The following SPAG17 variants were observed in gnomAD, a reference collection of about 807,000 sequenced individuals.
The protein encoded by SPAG17 is sperm-associated antigen 17.
Under a neutral mutation model 273.6 loss-of-function variants are expected in SPAG17, and 169 were observed. The observed-to-expected ratio is 0.62, with a 90% CI of 0.55 to 0.70. SPAG17 has a LOEUF of 0.70. Among genes scored for constraint, SPAG17 ranks in the 30% least tolerant of loss-of-function variants. The probability of loss-of-function intolerance (pLI) is 0.00; values close to 1 mark genes in which losing one functional copy is unlikely to be tolerated. For missense variants in SPAG17, 2,557 were observed against 2,627.8 expected (o/e 0.97, Z 0.59); for synonymous variants, 825 against 873.2 (o/e 0.94, Z 0.97).
chr1:118,016,917 G>A (rs1444250547), intron 28 of SPAG17, among the ~76,000 whole-genome samples: 1 of 152,200 alleles, frequency 6.6e-6, no homozygotes, highest in Non-Finnish European at 1.5e-5. Flanking sequence ...GTAATCTGTA[G>A]ATGAGACTTG....
intron 48 of SPAG17, 115 bp downstream of exon 48, chr1:117,963,684 T>C: frequency 1.0e-6 from 1 of 982,102 alleles, no homozygotes; most frequent in Non-Finnish European, 1.5e-6. Flanking sequence ...TTTTCATTCA[T>C]TCAGGCCAGG....
intron 1 of SPAG17, among the ~76,000 whole-genome samples, chr1:118,170,308 T>C (rs1331122121): frequency 6.6e-6 from 1 of 152,170 alleles, no homozygotes; most frequent in Non-Finnish European, 1.5e-5. Context: ...CTAAAAAACA[T>C]GAAATACATA....
At chr1:117,973,592 A>C in intron 43 of SPAG17, 31 bp from the exon 44 acceptor site, 1 of 1,595,124 alleles carries the variant, frequency 6.3e-7, no homozygotes, top group Non-Finnish European at 8.6e-7. Flanking sequence ...ATTATGCCAC[A>C]TGGACATTTT....
chr1:118,133,976 A>G (rs1658200431), intron 3 of SPAG17, among the ~76,000 whole-genome samples: 1 of 152,212 alleles, frequency 6.6e-6, no homozygotes. Context: ...GTTCAACCTT[A>G]TAATTTTTGC....
chr1:118,145,456 A>G (rs1423964231), intron 3 of SPAG17, among the ~76,000 whole-genome samples: 1 of 152,220 alleles, frequency 6.6e-6, no homozygotes, highest in Non-Finnish European at 1.5e-5. Flanking sequence ...ACATCTGGGC[A>G]TACTAATCTG....
rs141639174 is a variant in SPAG17, at chr1:118,001,351, G to A, written c.4776+4063C>T. The stretch of plus-strand genomic sequence containing the variant: ...TGGCCTCATAAAACAAGTTAGGGAG[G>A]ATTCCCTCTTTTTCTATTGATTGGA... On this transcript the variant is annotated intron_variant, in intron 32 of 48. Coordinates refer to ENST00000336338, the MANE Select transcript of SPAG17 (RefSeq NM_206996.4). 4.2e-3 allele frequency among the ~76,000 whole-genome samples: 644 copies of A among 152,296 alleles called. 4 individuals carry two copies. The highest frequency in any genetic ancestry group is 0.015 in the African/African-American group (612 of 41,562).
Position 117,955,397 on chromosome 1 carries a change from G to A in SPAG17, c.*1-1348C>T, listed in dbSNP as rs1652054190. 5.6e-6 allele frequency: 9 copies of A among 1,594,244 alleles called. No individual in the cohort carries two copies. The East Asian group carries it at 2.0e-4, about 36-fold the overall frequency. Reference sequence around the variant, plus strand: ...TGCGCACAATTTTTGTAATCTGTCAGCAAACATTTATGAAGTGCTTATCTG... The same window carrying A: ...TGCGCACAATTTTTGTAATCTGTCAACAAACATTTATGAAGTGCTTATCTG... On this transcript the variant is annotated intron_variant, in intron 48 of 48. Transcript: ENST00000336338.
chr1:118,077,010 G>GTC (rs1233789607), intron 15 of SPAG17, among the ~76,000 whole-genome samples: 13 of 152,150 alleles, frequency 8.5e-5, no homozygotes, highest in South Asian at 6.2e-4. Context: ...TTCAAAAATA[G>GTC]TCTCAGATGG....
intron 4 of SPAG17, among the ~76,000 whole-genome samples, chr1:118,102,820 C>A (rs1374232433): frequency 6.6e-6 from 1 of 152,140 alleles, no homozygotes; most frequent in Non-Finnish European, 1.5e-5. Context: ...GCTTTGACAT[C>A]CAGCTAACAG....
intron 1 of SPAG17, among the ~76,000 whole-genome samples, chr1:118,166,726 A>T (rs1284622630): frequency 6.6e-6 from 1 of 152,188 alleles, no homozygotes. Flanking sequence ...TATTTTGTCT[A>T]GCCCCACCAG....
At position 117,972,001 on chromosome 1, in the gene SPAG17, G is replaced by A. The variant is rs766664115; in HGVS notation, c.6188C>T (p.Ser2063Phe). Residue 2063 changes from serine to phenylalanine, a missense_variant, in exon 45 of 49, where the codon TCT becomes TTT. Coordinates refer to ENST00000336338, the MANE Select transcript of SPAG17 (RefSeq NM_206996.4). ...TGACTTTGCATTATTAATGGCAGCA[G>A]ATGCAACAGAGGATGTGTTCACTTT... ...GGKVNTSSVA[S>F]AAINNAKSSL... 2 of 1,614,000 alleles carry A rather than the reference G, an allele frequency of 1.2e-6. No individual in the cohort carries two copies. The highest frequency in any genetic ancestry group is 1.7e-6 in the Non-Finnish European group (2 of 1,179,950).
At chr1:118,074,412 C>G in intron 16 of SPAG17, 127 bp downstream of exon 16, 1 of 819,772 alleles carries the variant, frequency 1.2e-6, no homozygotes, top group Admixed American at 2.1e-5. Flanking sequence ...CGAATAGTTC[C>G]TCTTTTCTAG....
At chr1:118,114,325 TA>T (rs1270144252) in intron 4 of SPAG17, among the ~76,000 whole-genome samples, 6 of 152,172 alleles carry the variant, frequency 3.9e-5, no homozygotes, top group Non-Finnish European at 7.4e-5. Context: ...GAAATATCTC[TA>T]AAAAACATAA....
chr1:118,083,712 G>A (rs1654779226), intron 13 of SPAG17, among the ~76,000 whole-genome samples: 1 of 152,128 alleles, frequency 6.6e-6, no homozygotes, highest in South Asian at 2.1e-4. Context: ...TTGAACCCAG[G>A]AGGTGGAGGT....
chr1:118,139,670 A>T (rs1488162658), intron 3 of SPAG17, among the ~76,000 whole-genome samples: 2 of 152,236 alleles, frequency 1.3e-5, no homozygotes, highest in Non-Finnish European at 2.9e-5. Flanking sequence ...TGGAATCAGA[A>T]AACATTATGC....
intron 4 of SPAG17, among the ~76,000 whole-genome samples, chr1:118,112,235 G>A (rs749102747): frequency 6.6e-6 from 1 of 151,564 alleles, no homozygotes; most frequent in Non-Finnish European, 1.5e-5. Flanking sequence ...TACAAAAGTT[G>A]AAGTTAAAAA....
At chr1:118,067,274 C>T (rs1653078249) in intron 17 of SPAG17, among the ~76,000 whole-genome samples, 1 of 152,112 alleles carries the variant, frequency 6.6e-6, no homozygotes, top group Non-Finnish European at 1.5e-5. Flanking sequence ...TAAATAGATG[C>T]TATGAATTAA....
rs376860095 is a variant in SPAG17 at position 117,988,245 on chromosome 1, T to C, written c.5522-41A>G. On this transcript the variant is annotated intron_variant, in intron 38 of 48. Transcript: ENST00000336338. ...TATTTAACTTTTATCCCCACTTCTT[T>C]ATAGGGCAACACACAATCAGTACAC... The C allele has an allele frequency of 2.0e-5, 28 of 1,420,734 alleles. No homozygotes were observed. The African/African-American group carries it at 2.9e-4, about 14-fold the overall frequency. The allele number at this position is 1,420,734 out of a possible 1,614,324, so 88.0% of individuals were successfully genotyped here.
chr1:118,005,951 G>T (rs924158476), intron 31 of SPAG17, among the ~76,000 whole-genome samples: 2 of 152,182 alleles, frequency 1.3e-5, no homozygotes, highest in Non-Finnish European at 2.9e-5. Context: ...AATGTTTGGG[G>T]TTGCTCATGA....
Sources: gnomAD v4.1 joint callset for allele counts (sites outside exome capture counted in the v4.1 genomes callset) on GRCh38, gnomAD v4.1.1 for gene constraint, MANE v1.5 for transcripts, NCBI Gene and HGNC (gene_info 2026-07-23, HGNC 2026-07-21) for gene names.